BCAR3: variants seen among roughly 807,000 people sequenced by gnomAD.
The protein encoded by BCAR3 is BCAR3 adaptor protein, NSP family member, also known as breast cancer anti-estrogen resistance protein 3.
Under a neutral mutation model 80.1 loss-of-function variants are expected in BCAR3, and 37 were observed. The observed-to-expected ratio is 0.46, with a 90% CI of 0.36 to 0.61. BCAR3 has a LOEUF of 0.61. Among genes scored for constraint, BCAR3 ranks in the 20% least tolerant of loss-of-function variants. The probability of loss-of-function intolerance (pLI) is 0.00; values close to 1 mark genes in which losing one functional copy is unlikely to be tolerated. For missense variants in BCAR3, 978 were observed against 1,068.2 expected (o/e 0.92, Z 1.18); for synonymous variants, 389 against 418.9 (o/e 0.93, Z 0.87).
intron 2 of BCAR3, among the ~76,000 whole-genome samples, chr1:93,739,012 C>T (rs1010628454): frequency 6.6e-6 from 1 of 152,102 alleles, no homozygotes; most frequent in African/African-American, 2.4e-5. Flanking sequence ...TGGAAAGGCA[C>T]CTGGCACTGC....
chr1:93,772,834 GA>G (rs1298591837), intron 2 of BCAR3, among the ~76,000 whole-genome samples: 1 of 152,126 alleles, frequency 6.6e-6, no homozygotes, highest in Non-Finnish European at 1.5e-5. Flanking sequence ...TCTATCTCTT[GA>G]CCTCTTGATC....
intron 5 of BCAR3, among the ~76,000 whole-genome samples, chr1:93,588,105 G>A (rs775921722): frequency 6.6e-6 from 1 of 152,092 alleles, no homozygotes; most frequent in Admixed American, 6.5e-5. Flanking sequence ...ACCCTTTCCA[G>A]GTGGACCAAG....
intron 2 of BCAR3, among the ~76,000 whole-genome samples, chr1:93,736,036 C>A (rs983277853): frequency 1.3e-5 from 2 of 152,052 alleles, no homozygotes; most frequent in African/African-American, 4.8e-5. Context: ...AAACTTGGAG[C>A]ATCTGGGAGA....
At chr1:93,712,436 G>A (rs1429798062) in intron 2 of BCAR3, among the ~76,000 whole-genome samples, 1 of 152,186 alleles carries the variant, frequency 6.6e-6, no homozygotes, top group East Asian at 1.9e-4. Context: ...TCCAGAGGAC[G>A]TTCACCTCGT....
intron 2 of BCAR3, among the ~76,000 whole-genome samples, chr1:93,815,635 C>T (rs1653992000): frequency 1.3e-5 from 2 of 152,156 alleles, no homozygotes; most frequent in Admixed American, 6.5e-5. Flanking sequence ...AGTCACTTTT[C>T]ATCCATGTGT....
chr1:93,717,122 G>A (rs985292611), intron 2 of BCAR3, among the ~76,000 whole-genome samples: 1 of 152,220 alleles, frequency 6.6e-6, no homozygotes, highest in Non-Finnish European at 1.5e-5. Flanking sequence ...CTGTGCTGCT[G>A]CCATGTGAAT....
At chr1:93,785,232 G>A (rs1253247141) in intron 2 of BCAR3, among the ~76,000 whole-genome samples, 1 of 152,218 alleles carries the variant, frequency 6.6e-6, no homozygotes, top group Non-Finnish European at 1.5e-5. Context: ...TGAAGGGTAG[G>A]CTATTACAAT....
intron 3 of BCAR3, among the ~76,000 whole-genome samples, chr1:93,631,484 C>T (rs1474754555): frequency 1.3e-5 from 2 of 152,136 alleles, no homozygotes; most frequent in Non-Finnish European, 2.9e-5. Context: ...AGGCAAAGCC[C>T]CAGAGACACT....
intron 2 of BCAR3, among the ~76,000 whole-genome samples, chr1:93,668,097 G>GA (rs945352592): frequency 9.2e-5 from 14 of 152,008 alleles, no homozygotes; most frequent in South Asian, 6.3e-4. Flanking sequence ...CTGGTGGCCT[G>GA]AAAAAAAACA....
intron 4 of BCAR3, 35 bp from the exon 5 acceptor site, chr1:93,589,454 G>C (rs1674084707): frequency 6.4e-7 from 1 of 1,555,542 alleles, no homozygotes; most frequent in African/African-American, 1.4e-5. Flanking sequence ...GAGTAGGAAA[G>C]GCAAATTCAC....
At chr1:93,595,871 T>A (rs1674399877) in intron 3 of BCAR3, among the ~76,000 whole-genome samples, 1 of 152,236 alleles carries the variant, frequency 6.6e-6, no homozygotes, top group African/African-American at 2.4e-5. Flanking sequence ...TTGGCGGAAT[T>A]CTGTAGGCTT....
intron 2 of BCAR3, among the ~76,000 whole-genome samples, chr1:93,656,505 T>C (rs776421696): frequency 3.3e-5 from 5 of 152,088 alleles, no homozygotes; most frequent in Non-Finnish European, 7.4e-5. Flanking sequence ...TCTTTTTATA[T>C]TTTCCTGTTT....
At chr1:93,768,363 TA>T (rs761396388) in intron 2 of BCAR3, among the ~76,000 whole-genome samples, 1 of 152,064 alleles carries the variant, frequency 6.6e-6, no homozygotes, top group Non-Finnish European at 1.5e-5. Flanking sequence ...AAGGTTGAGA[TA>T]AGTGAAGAAA....
chr1:93,662,028 A>G (rs373533529), intron 2 of BCAR3, among the ~76,000 whole-genome samples: 1 of 152,228 alleles, frequency 6.6e-6, no homozygotes, highest in Non-Finnish European at 1.5e-5. Context: ...TCACGAATAC[A>G]GAAGAATGTT....
intron 2 of BCAR3, among the ~76,000 whole-genome samples, chr1:93,777,591 T>A (rs1372064701): frequency 3.4e-5 from 5 of 148,246 alleles, no homozygotes; most frequent in South Asian, 2.1e-4. Context: ...CTGGCTAATT[T>A]AAAATTTTTT....
intron 2 of BCAR3, among the ~76,000 whole-genome samples, chr1:93,797,856 A>C (rs1210333950): frequency 6.6e-6 from 1 of 152,222 alleles, no homozygotes; most frequent in Non-Finnish European, 1.5e-5. Context: ...CTACTGTCTC[A>C]AGGAAATTCT....
intron 2 of BCAR3, among the ~76,000 whole-genome samples, chr1:93,721,351 C>A (rs1312100017): frequency 1.3e-5 from 2 of 152,124 alleles, no homozygotes; most frequent in Non-Finnish European, 2.9e-5. Context: ...CCCCTCTGCC[C>A]AGAGAGTTCA....
intron 2 of BCAR3, among the ~76,000 whole-genome samples, chr1:93,650,692 A>G (rs898467569): frequency 1.1e-4 from 17 of 152,242 alleles, no homozygotes; most frequent in African/African-American, 2.4e-4. Flanking sequence ...ATTAAGTGTT[A>G]TAAGTGTGAC....
chr1:93,709,739 A>G (rs936526551), intron 2 of BCAR3, among the ~76,000 whole-genome samples: 1 of 152,138 alleles, frequency 6.6e-6, no homozygotes, highest in Non-Finnish European at 1.5e-5. Context: ...TAAAAATTGT[A>G]TTTACAATCT....
Sources: gnomAD v4.1 joint callset for allele counts (sites outside exome capture counted in the v4.1 genomes callset) on GRCh38, gnomAD v4.1.1 for gene constraint, MANE v1.5 for transcripts, NCBI Gene and HGNC (gene_info 2026-07-23, HGNC 2026-07-21) for gene names.